ANKRD44: variants seen among roughly 807,000 people sequenced by gnomAD.
ANKRD44 encodes ankyrin repeat domain 44.
ANKRD44 carries 35 observed loss-of-function variants against 116.0 expected under a neutral mutation model. The ratio of observed to expected loss-of-function variants is 0.30; its 90% CI spans 0.23 to 0.40. The LOEUF (loss-of-function observed/expected upper bound fraction) is 0.40, where lower values mean the gene tolerates loss of function less well. Among genes scored for constraint, ANKRD44 ranks in the 10% least tolerant of loss-of-function variants. The pLI is 1.00. For missense variants in ANKRD44, 1,014 were observed against 1,242.6 expected (o/e 0.82, Z 2.77); for synonymous variants, 435 against 461.8 (o/e 0.94, Z 0.74).
At chr2:197,303,324 T>C (rs1328360738) in intron 1 of ANKRD44, among the ~76,000 whole-genome samples, 1 of 152,260 alleles carries the variant, frequency 6.6e-6, no homozygotes, top group Non-Finnish European at 1.5e-5. Context: ...ATTTTCTACC[T>C]GTTCCCATTT....
intron 2 of ANKRD44, among the ~76,000 whole-genome samples, chr2:197,171,999 C>CTT (rs34135336): frequency 3.7e-4 from 16 of 43,736 alleles, no homozygotes; most frequent in Non-Finnish European, 6.7e-4. Flanking sequence ...TATTTTTCTT[C>CTT]TTTTTTTTTT....
rs1013689953 is a variant in ANKRD44 at position 197,203,646 on chromosome 2, G to A, written c.28-16540C>T. Among the ~76,000 whole-genome samples, 19 of 152,242 alleles carry A rather than the reference G, an allele frequency of 1.2e-4. No homozygotes were observed. The highest frequency in any genetic ancestry group is 2.1e-4 in the South Asian group (1 of 4,824). ...TGAAAATAGGTGTTGAAGCAAAAACGTGTACCTAAATGTCCACAGCAGTAC... is the reference window on the plus strand; with the variant it reads ...TGAAAATAGGTGTTGAAGCAAAAACATGTACCTAAATGTCCACAGCAGTAC... On this transcript the variant is annotated intron_variant, in intron 1 of 27. Transcript: ENST00000282272. This position sits in a 1 kb window ranked among gnomAD's most constrained non-coding sequence, Gnocchi z 4.1.
intron 2 of ANKRD44, among the ~76,000 whole-genome samples, chr2:197,148,497 T>C (rs1328790432): frequency 1.3e-5 from 2 of 152,206 alleles, no homozygotes; most frequent in Non-Finnish European, 2.9e-5. Flanking sequence ...CATTATTCCT[T>C]TCATAATTTG....
chr2:197,298,729 G>A (rs968357660), intron 1 of ANKRD44, among the ~76,000 whole-genome samples: 1 of 151,924 alleles, frequency 6.6e-6, no homozygotes, highest in Non-Finnish European at 1.5e-5. Flanking sequence ...ACCAGCCTGG[G>A]CAACATGGTG....
chr2:197,031,600 C>G (rs1046300812), intron 16 of ANKRD44, among the ~76,000 whole-genome samples: 1 of 152,178 alleles, frequency 6.6e-6, no homozygotes, highest in East Asian at 1.9e-4. Flanking sequence ...TCCACAGACT[C>G]TCAGATAGAT....
At chr2:197,171,996 CTTCTTTTT>C (rs2080247511) in intron 2 of ANKRD44, among the ~76,000 whole-genome samples, 1 of 29,316 alleles carries the variant, frequency 3.4e-5, no homozygotes, top group African/African-American at 5.3e-5. Flanking sequence ...CGTTATTTTT[CTTCTTTTT>C]TTTTTTTTTT....
Position 197,005,860 on chromosome 2 carries a change from C to T in ANKRD44, c.2181G>A (p.Val727=), listed in dbSNP as rs755860746. The T allele has an allele frequency of 1.2e-6, 2 of 1,614,280 alleles. No individual in the cohort carries two copies. The highest frequency in any genetic ancestry group is 2.2e-5 in the South Asian group (2 of 91,090). ...ECVQMLLEQE[V]SILCKDSRGR... ...CTCTGGAATCTTTACAGAGAATTGA[C>T]ACTTCTTGTTCCAGCAGCATTTGCA... is the stretch of plus-strand genomic sequence containing the variant. Residue 727 remains valine, a synonymous_variant, in exon 21 of 28, where the codon GTG becomes GTA. Transcript: ENST00000282272.
chr2:197,067,876 A>C (rs1443484434), intron 16 of ANKRD44, among the ~76,000 whole-genome samples: 1 of 144,222 alleles, frequency 6.9e-6, no homozygotes, highest in African/African-American at 2.6e-5. Flanking sequence ...TACCCAAAGG[A>C]CTATAAATCA....
chr2:197,271,541 T>C (rs147874654), intron 1 of ANKRD44, among the ~76,000 whole-genome samples: 90 of 152,384 alleles, frequency 5.9e-4, no homozygotes, highest in Admixed American at 1.4e-3. Context: ...AAATGTGATA[T>C]AAAATTATAT....
chr2:197,061,782 C>CTTT (rs1559030711), intron 16 of ANKRD44, among the ~76,000 whole-genome samples: 19 of 47,638 alleles, frequency 4.0e-4, no homozygotes, highest in South Asian at 1.2e-3. Flanking sequence ...AATATCCATG[C>CTTT]CTTTTTTTTT....
chr2:197,139,174 C>T (rs1322030700), intron 3 of ANKRD44, among the ~76,000 whole-genome samples: 1 of 152,040 alleles, frequency 6.6e-6, no homozygotes, highest in Non-Finnish European at 1.5e-5. Flanking sequence ...AGCAATTCCA[C>T]CCCAATCATA....
intron 16 of ANKRD44, among the ~76,000 whole-genome samples, chr2:197,067,054 C>T (rs1442389333): frequency 6.6e-6 from 1 of 151,972 alleles, no homozygotes; most frequent in Non-Finnish European, 1.5e-5. Context: ...CTACAGTAAC[C>T]AAAACAGCAT....
chr2:197,222,147 TG>T (rs1468035627), intron 1 of ANKRD44, among the ~76,000 whole-genome samples: 1 of 152,212 alleles, frequency 6.6e-6, no homozygotes, highest in African/African-American at 2.4e-5. Flanking sequence ...AGGCAGATAA[TG>T]TGAGACTGTG....
chr2:197,189,265 T>A (rs1056252913), intron 1 of ANKRD44, among the ~76,000 whole-genome samples: 4 of 152,204 alleles, frequency 2.6e-5, no homozygotes, highest in African/African-American at 9.7e-5. Flanking sequence ...GCCATAAAAA[T>A]TCCCAGCAAA....
At chr2:197,081,229 A>G (rs1439735297) in intron 15 of ANKRD44, among the ~76,000 whole-genome samples, 2 of 152,190 alleles carry the variant, frequency 1.3e-5, no homozygotes, top group Non-Finnish European at 2.9e-5. Context: ...GGAAAGCACA[A>G]ATGGTTATTT....
chr2:197,291,882 T>C (rs2083579266), intron 1 of ANKRD44, among the ~76,000 whole-genome samples: 4 of 152,184 alleles, frequency 2.6e-5, no homozygotes, highest in African/African-American at 9.7e-5. Context: ...GTCCAAGTGA[T>C]CTCATTGTTC....
chr2:197,177,413 A>G (rs1381490147), intron 2 of ANKRD44, among the ~76,000 whole-genome samples: 2 of 152,216 alleles, frequency 1.3e-5, no homozygotes, highest in African/African-American at 2.4e-5. Context: ...GAGCCCTTGC[A>G]ATATGTAAAA....
intron 16 of ANKRD44, among the ~76,000 whole-genome samples, chr2:197,071,302 A>G (rs1161323706): frequency 6.6e-6 from 1 of 152,088 alleles, no homozygotes; most frequent in African/African-American, 2.4e-5. Context: ...CTGACTTGAG[A>G]CTTTCCTCTT....
intron 3 of ANKRD44, among the ~76,000 whole-genome samples, chr2:197,140,036 T>G (rs935180895): frequency 2.7e-5 from 4 of 150,128 alleles, no homozygotes; most frequent in Admixed American, 1.3e-4. Flanking sequence ...CCTGCCATCA[T>G]GCCCACCTAA....
Sources: allele counts gnomAD v4.1 joint callset (sites outside exome capture counted in the v4.1 genomes callset), GRCh38; gene constraint gnomAD v4.1.1; non-coding constraint Gnocchi (gnomAD v3.1); transcripts MANE v1.5; gene names NCBI Gene and HGNC (gene_info 2026-07-23, HGNC 2026-07-21).